Variants in RBFOX1 observed in about 807,000 individuals in gnomAD.
RBFOX1 encodes the protein RNA binding fox-1 homolog 1, also known as RNA binding protein fox-1 homolog 1.
A neutral mutation model predicts 57.7 loss-of-function variants in RBFOX1; 8 were observed. That is an observed-to-expected ratio of 0.14 (90% CI 0.08 to 0.25). The LOEUF (loss-of-function observed/expected upper bound fraction) is 0.25, where lower values mean the gene tolerates loss of function less well. Among genes scored for constraint, RBFOX1 ranks in the 10% least tolerant of loss-of-function variants. RBFOX1 has a pLI of 1.00. For synonymous variants in RBFOX1, 326 were observed against 222.4 expected (o/e 1.47, Z -4.15); for missense variants, 611 against 548.5 (o/e 1.11, Z -1.14).
intron 2 of RBFOX1, among the ~76,000 whole-genome samples, chr16:6,450,922 A>G (rs1346175727): frequency 7.3e-6 from 1 of 137,336 alleles, no homozygotes; most frequent in African/African-American, 2.7e-5. Flanking sequence ...CCCCTGAATA[A>G]CAGGAGCCAC....
At chr16:7,533,024 A>G (rs999711509) in intron 5 of RBFOX1, among the ~76,000 whole-genome samples, 2 of 152,210 alleles carry the variant, frequency 1.3e-5, no homozygotes, top group African/African-American at 4.8e-5. Context: ...AAAAAATGGA[A>G]AAATCTAACA....
chr16:5,963,706 G>A (rs2059794058), intron 4 of RBFOX1, among the ~76,000 whole-genome samples: 1 of 152,146 alleles, frequency 6.6e-6, no homozygotes. Flanking sequence ...GATATCCAGA[G>A]GCAGAAGAGT....
intron 5 of RBFOX1, among the ~76,000 whole-genome samples, chr16:7,524,648 C>A (rs1173274236): frequency 6.6e-6 from 1 of 152,334 alleles, no homozygotes; most frequent in East Asian, 1.9e-4. Context: ...GTGGGTGCCC[C>A]AGCTAGGTTC....
At chr16:6,906,745 CAG>C (rs998643163) in intron 3 of RBFOX1, among the ~76,000 whole-genome samples, 2 of 143,250 alleles carry the variant, frequency 1.4e-5, no homozygotes, top group Non-Finnish European at 1.5e-5. Context: ...TTTTTTGAGA[CAG>C]AGTCTTGCTC....
At chr16:6,153,373 C>G (rs1478027909) in intron 1 of RBFOX1, among the ~76,000 whole-genome samples, 2 of 152,210 alleles carry the variant, frequency 1.3e-5, no homozygotes, top group South Asian at 2.1e-4. Flanking sequence ...TTGTTCCTTG[C>G]TAATTGAATT....
intron 3 of RBFOX1, among the ~76,000 whole-genome samples, chr16:6,848,087 C>T (rs547277615): frequency 1.3e-5 from 2 of 152,092 alleles, no homozygotes; most frequent in African/African-American, 4.8e-5. Context: ...CCACCTTGGC[C>T]TCACAAAGTG....
chr16:6,750,059 G>T (rs1433841917), intron 3 of RBFOX1, among the ~76,000 whole-genome samples: 1 of 152,086 alleles, frequency 6.6e-6, no homozygotes, highest in Admixed American at 6.6e-5. Flanking sequence ...ATCAACTAGG[G>T]GCTAACATTA....
rs150575404 is a variant in RBFOX1 at position 5,574,356 on chromosome 16, C to G, written c.259-24546C>G. ...TCTGTATAGGTTACTGATTCTCATCCAAGCCCGCCTTGCCACATCTCAATA... is the reference window on the plus strand; with the variant it reads ...TCTGTATAGGTTACTGATTCTCATCGAAGCCCGCCTTGCCACATCTCAATA... On this transcript the variant is annotated intron_variant, in intron 2 of 2. Coordinates refer to the RBFOX1 transcript ENST00000585867. Among the ~76,000 whole-genome samples the G allele has an allele frequency of 2.6e-5, 4 of 152,252 alleles. No individual in the cohort carries two copies. The East Asian group carries it at 5.8e-4, about 22-fold the overall frequency.
At chr16:7,143,187 A>AAC (rs2074214005) in intron 4 of RBFOX1, among the ~76,000 whole-genome samples, 6 of 152,158 alleles carry the variant, frequency 3.9e-5, no homozygotes, top group African/African-American at 1.4e-4. Flanking sequence ...AAAGCAAGGC[A>AAC]TCTGATTCAG....
chr16:6,503,734 C>G (rs751871182), intron 2 of RBFOX1, among the ~76,000 whole-genome samples: 23 of 152,218 alleles, frequency 1.5e-4, no homozygotes, highest in African/African-American at 4.3e-4. Flanking sequence ...TCTACTGGAC[C>G]AAATCAAGAC....
intron 3 of RBFOX1, among the ~76,000 whole-genome samples, chr16:7,024,704 T>G (rs1412749519): frequency 6.6e-6 from 1 of 152,190 alleles, no homozygotes; most frequent in Non-Finnish European, 1.5e-5. Context: ...AGGCACAAAT[T>G]CCTCAGCACT....
At chr16:7,415,545 C>A (rs959614453) in intron 4 of RBFOX1, among the ~76,000 whole-genome samples, 3 of 152,148 alleles carry the variant, frequency 2.0e-5, no homozygotes, top group Admixed American at 6.5e-5. Context: ...TTGAAACCCA[C>A]CTGTCCACTT....
At chr16:7,474,712 C>T (rs947822524) in intron 4 of RBFOX1, among the ~76,000 whole-genome samples, 1 of 152,114 alleles carries the variant, frequency 6.6e-6, no homozygotes. Context: ...CTTTCCAGTT[C>T]TTAATTTTTC....
chr16:6,971,562 C>G (rs567115164), intron 3 of RBFOX1, among the ~76,000 whole-genome samples: 1 of 151,646 alleles, frequency 6.6e-6, no homozygotes, highest in Non-Finnish European at 1.5e-5. Context: ...GAAATGTGTT[C>G]CCAGTTTACA....
intron 2 of RBFOX1, chr16:6,483,050 A>G (rs1597900089): frequency 3.7e-6 from 3 of 804,780 alleles, no homozygotes; most frequent in Non-Finnish European, 4.5e-6. Flanking sequence ...GCGGCGAGAT[A>G]CCGCAGCCAG....
chr16:7,292,245 A>G lies in RBFOX1; in HGVS notation c.28-225902A>G, dbSNP rs1395422871. On this transcript the variant is annotated intron_variant, in intron 4 of 15. Coordinates refer to ENST00000550418, the MANE Select transcript of RBFOX1 (RefSeq NM_018723.4). ...TATGATATAGAACGTATTATATATC[A>G]TATATATGATATATGATATAGAACG... Among the ~76,000 whole-genome samples, 24 of 91,188 alleles carry G rather than the reference A, an allele frequency of 2.6e-4. 1 individual carries two copies. The Admixed American group carries it at 2.9e-3, about 11-fold the overall frequency. 59.8% of individuals were successfully genotyped at this position (91,188 alleles called of 152,430 possible). A position where few individuals can be genotyped will look rare whatever the true frequency, so the allele number is the denominator to read the frequency against.
intron 1 of RBFOX1, among the ~76,000 whole-genome samples, chr16:6,122,165 T>G (rs1233897059): frequency 6.6e-6 from 1 of 152,102 alleles, no homozygotes; most frequent in Non-Finnish European, 1.5e-5. Flanking sequence ...CTTGGTCTTC[T>G]AAAGTGCTGG....
At chr16:5,377,851 G>C (rs1208212994) in intron 1 of RBFOX1, among the ~76,000 whole-genome samples, 1 of 151,620 alleles carries the variant, frequency 6.6e-6, no homozygotes, top group Non-Finnish European at 1.5e-5. Flanking sequence ...TTCAACACAA[G>C]TTTAAAACAC....
intron 3 of RBFOX1, among the ~76,000 whole-genome samples, chr16:6,701,634 A>C (rs560285811): frequency 6.6e-6 from 1 of 152,230 alleles, no homozygotes; most frequent in South Asian, 2.1e-4. Flanking sequence ...AAAATCACAT[A>C]AAGGCGTACG....
Sources: gnomAD v4.1 joint callset for allele counts (sites outside exome capture counted in the v4.1 genomes callset) on GRCh38, gnomAD v4.1.1 for gene constraint, MANE v1.5 for transcripts, NCBI Gene and HGNC (gene_info 2026-07-23, HGNC 2026-07-21) for gene names.